CALN1: variants seen among roughly 807,000 people sequenced by gnomAD.
The protein encoded by CALN1 is calcium-binding protein 8.
A neutral mutation model predicts 30.6 loss-of-function variants in CALN1; 17 were observed. The observed-to-expected ratio is 0.56, with a 90% CI of 0.38 to 0.83. The LOEUF is 0.83. Among genes scored for constraint, CALN1 ranks in the 40% least tolerant of loss-of-function variants. CALN1 has a pLI of 0.00. For missense variants in CALN1, 291 were observed against 354.9 expected (o/e 0.82, Z 1.45); for synonymous variants, 156 against 131.4 (o/e 1.19, Z -1.28).
At chr7:71,872,449 A>G (rs1043749117) in intron 5 of CALN1, among the ~76,000 whole-genome samples, 8 of 151,026 alleles carry the variant, frequency 5.3e-5, no homozygotes, top group Non-Finnish European at 1.2e-4. Context: ...GCTTTTCTGT[A>G]CATAACTTGT....
intron 2 of CALN1, among the ~76,000 whole-genome samples, chr7:72,358,777 C>T (rs963957016): frequency 4.6e-5 from 7 of 152,018 alleles, no homozygotes; most frequent in East Asian, 1.9e-4. Flanking sequence ...GGTGAAACTC[C>T]GTCTCTACTA....
chr7:72,007,715 G>A (rs1160059400), intron 5 of CALN1, among the ~76,000 whole-genome samples: 1 of 152,132 alleles, frequency 6.6e-6, no homozygotes, highest in African/African-American at 2.4e-5. Context: ...CTCTATGCAA[G>A]AGACTTTTTA....
intron 3 of CALN1, among the ~76,000 whole-genome samples, chr7:72,213,553 G>T (rs1446917926): frequency 6.6e-6 from 1 of 152,198 alleles, no homozygotes; most frequent in Admixed American, 6.5e-5. Context: ...TTTATGGTAT[G>T]TAAATGATAC....
At chr7:71,963,069 T>C (rs112537908) in intron 5 of CALN1, among the ~76,000 whole-genome samples, 7 of 152,322 alleles carry the variant, frequency 4.6e-5, no homozygotes, top group African/African-American at 1.7e-4. Flanking sequence ...GAATCTCAGT[T>C]ACCAGGTAAA....
chr7:71,836,622 CTTTTTT>C lies in CALN1; in HGVS notation c.502-26136_502-26131del, dbSNP rs756689224. Among the ~76,000 whole-genome samples, 11 of 132,632 alleles carry C rather than the reference CTTTTTT, an allele frequency of 8.3e-5. 1 individual carries two copies. In the South Asian group the frequency reaches 2.8e-3, roughly 33 times the overall value. 87.0% of individuals were successfully genotyped at this position (132,632 alleles called of 152,430 possible). A position where few individuals can be genotyped will look rare whatever the true frequency, so the allele number is the denominator to read the frequency against. On this transcript the variant is annotated intron_variant, in intron 5 of 6. Coordinates refer to ENST00000395275, the MANE Select transcript of CALN1 (RefSeq NM_031468.4). ...TCTGTCCCATTATTTCTCTCTGTCT[CTTTTTT>C]TTTTTTTTTTTCTGAGACAGAGTTC...
At position 71,885,619 on chromosome 7, in the gene CALN1, T is replaced by C. The variant is rs144955293; in HGVS notation, c.502-75127A>G. On this transcript the variant is annotated intron_variant, in intron 5 of 6. Transcript: ENST00000395275. Reference sequence around the variant, plus strand: ...AATCTCTTCTAATATTTTACAGAGTTTGACTCTTTTCATCCACAATATTGT... The same window carrying C: ...AATCTCTTCTAATATTTTACAGAGTCTGACTCTTTTCATCCACAATATTGT... Among the ~76,000 whole-genome samples, 652 of 152,358 alleles carry C rather than the reference T, an allele frequency of 4.3e-3. 4 individuals carry two copies. The highest frequency in any genetic ancestry group is 0.014 in the African/African-American group (579 of 41,586).
chr7:71,959,589 T>G (rs1797133710), intron 5 of CALN1, among the ~76,000 whole-genome samples: 1 of 151,548 alleles, frequency 6.6e-6, no homozygotes, highest in Non-Finnish European at 1.5e-5. Flanking sequence ...CATCTCTACA[T>G]ATTCCAGGGT....
rs183862527 is a variant in CALN1 at position 72,282,392 on chromosome 7, T to A, written c.120-3582A>T. Among the ~76,000 whole-genome samples, 381 of 152,364 alleles carry A rather than the reference T, an allele frequency of 2.5e-3. 3 individuals carry two copies. The highest frequency in any genetic ancestry group is 0.017 in the Middle Eastern group (5 of 294). ...AAACCAGTGATATGGTCTGAATGAATGTGTCCCCCAGTAATTCATACACTG... is the reference window on the plus strand; with the variant it reads ...AAACCAGTGATATGGTCTGAATGAAAGTGTCCCCCAGTAATTCATACACTG... On this transcript the variant is annotated intron_variant, in intron 2 of 6. Coordinates refer to ENST00000395275, the MANE Select transcript of CALN1 (RefSeq NM_031468.4).
intron 5 of CALN1, among the ~76,000 whole-genome samples, chr7:71,814,991 G>A (rs988675108): frequency 1.3e-4 from 20 of 151,942 alleles, no homozygotes; most frequent in Admixed American, 6.6e-5. Flanking sequence ...CCGCCACCAC[G>A]CCCAGCTGAT....
At chr7:72,067,957 C>T (rs912311720) in intron 4 of CALN1, among the ~76,000 whole-genome samples, 2 of 152,224 alleles carry the variant, frequency 1.3e-5, no homozygotes, top group Admixed American at 6.5e-5. Context: ...TCTGTATCTG[C>T]TTCTGTGTGC....
At chr7:71,860,617 T>C (rs138665132) in intron 5 of CALN1, among the ~76,000 whole-genome samples, 2 of 152,306 alleles carry the variant, frequency 1.3e-5, no homozygotes, top group Non-Finnish European at 2.9e-5. Context: ...CAGGACCCCT[T>C]TTTGGTAACA....
At chr7:72,418,429 C>G (rs1349280320) in intron 1 of CALN1, among the ~76,000 whole-genome samples, 1 of 152,190 alleles carries the variant, frequency 6.6e-6, no homozygotes, top group Non-Finnish European at 1.5e-5. Context: ...AATGAACATA[C>G]AAGTGCAGGT....
intron 2 of CALN1, among the ~76,000 whole-genome samples, chr7:72,388,631 T>G (rs897373891): frequency 6.6e-5 from 10 of 152,186 alleles, no homozygotes; most frequent in African/African-American, 2.4e-4. Flanking sequence ...AAAAGTTTAT[T>G]CTTAAAAAAT....
intron 5 of CALN1, among the ~76,000 whole-genome samples, chr7:71,862,587 A>C (rs1035932701): frequency 1.3e-5 from 2 of 152,188 alleles, no homozygotes; most frequent in Non-Finnish European, 2.9e-5. Flanking sequence ...TGAATTACCC[A>C]GTCTCGGGTA....
chr7:72,003,308 C>A (rs1234445806), intron 5 of CALN1, among the ~76,000 whole-genome samples: 3 of 152,046 alleles, frequency 2.0e-5, no homozygotes, highest in African/African-American at 7.2e-5. Context: ...CTTAAAATTA[C>A]AAAATGTGGG....
chr7:71,981,230 T>C (rs1037451830), intron 5 of CALN1, among the ~76,000 whole-genome samples: 26 of 152,322 alleles, frequency 1.7e-4, no homozygotes, highest in African/African-American at 6.0e-4. Context: ...AGAATCTCTC[T>C]GATTTTCCCC....
At chr7:71,941,335 A>G (rs1035842906) in intron 5 of CALN1, among the ~76,000 whole-genome samples, 1 of 147,620 alleles carries the variant, frequency 6.8e-6, no homozygotes, top group East Asian at 2.1e-4. Flanking sequence ...TGGGCGACAG[A>G]GTGAGACTGC....
At chr7:72,224,674 G>A (rs754239726) in intron 3 of CALN1, among the ~76,000 whole-genome samples, 33 of 151,968 alleles carry the variant, frequency 2.2e-4, no homozygotes, top group African/African-American at 6.8e-4. Flanking sequence ...CCAGCTACTC[G>A]GGAGGCTGAG....
intron 3 of CALN1, among the ~76,000 whole-genome samples, chr7:72,189,247 G>A (rs911956986): frequency 4.6e-5 from 7 of 152,154 alleles, no homozygotes; most frequent in African/African-American, 1.7e-4. Context: ...ATGTCAGGGA[G>A]CCAAGTGGTT....
Sources: gnomAD v4.1 joint callset for allele counts (sites outside exome capture counted in the v4.1 genomes callset) on GRCh38, gnomAD v4.1.1 for gene constraint, MANE v1.5 for transcripts, NCBI Gene and HGNC (gene_info 2026-07-23, HGNC 2026-07-21) for gene names.